The following ARFGEF3 variants were observed in gnomAD, a reference collection of about 807,000 sequenced individuals.
ARFGEF3 encodes ARFGEF family member 3, also known as brefeldin A-inhibited guanine nucleotide-exchange protein 3.
ARFGEF3 carries 96 observed loss-of-function variants against 221.7 expected under a neutral mutation model. The ratio of observed to expected loss-of-function variants is 0.43; its 90% CI spans 0.37 to 0.51. ARFGEF3 has a LOEUF of 0.51. Ranked by LOEUF, ARFGEF3 falls within the 20% of genes least tolerant of loss-of-function variation. The pLI is 0.00. For synonymous variants in ARFGEF3, 1,145 were observed against 1,126.8 expected, an observed-to-expected ratio of 1.02 and a Z score of -0.32; for missense variants, 2,410 against 2,789.9, an observed-to-expected ratio of 0.86 and a Z score of 3.07.
chr6:138,176,556 G>A (rs1351121167), intron 2 of ARFGEF3, among the ~76,000 whole-genome samples: 1 of 151,932 alleles, frequency 6.6e-6, no homozygotes, highest in African/African-American at 2.4e-5. Context: ...TACATTCAAG[G>A]TTAATATTGG....
intron 2 of ARFGEF3, among the ~76,000 whole-genome samples, chr6:138,203,807 A>AT (rs905487672): frequency 3.9e-5 from 6 of 151,980 alleles, no homozygotes; most frequent in South Asian, 2.1e-4. Context: ...TGCCCAGCTG[A>AT]TTTTTTTGCA....
chr6:138,293,821 G>A (rs1429818403), intron 19 of ARFGEF3, among the ~76,000 whole-genome samples, 172 bp from the exon 20 acceptor site: 2 of 152,012 alleles, frequency 1.3e-5, no homozygotes. Flanking sequence ...AAATCTCACA[G>A]TTAGAGCAGA....
chr6:138,249,230 C>A (rs1778538455), intron 8 of ARFGEF3, among the ~76,000 whole-genome samples: 1 of 152,194 alleles, frequency 6.6e-6, no homozygotes, highest in African/African-American at 2.4e-5. Context: ...CACACACATA[C>A]ATATTAGAAA....
At chr6:138,245,661 A>G in intron 8 of ARFGEF3, 70 bp downstream of exon 8, 1 of 1,105,950 alleles carries the variant, frequency 9.0e-7, no homozygotes, top group Admixed American at 2.0e-5. Context: ...TGTCTGCAGC[A>G]TCACTTCAAA....
chr6:138,172,135 T>C lies in ARFGEF3; in HGVS notation c.137+1422T>C, dbSNP rs142204515. On this transcript the variant is annotated intron_variant, in intron 2 of 33. Coordinates refer to ENST00000251691, the MANE Select transcript of ARFGEF3 (RefSeq NM_020340.5). The stretch of plus-strand genomic sequence containing the variant: ...TCCATGTTTTAAACTAAGTGCATTT[T>C]TGTGTGTGCAAAGCTTATACATGAA... Among the ~76,000 whole-genome samples the C allele has an allele frequency of 2.0e-3, 298 of 152,336 alleles. 3 individuals are homozygous for C. Among genetic ancestry groups the C allele is most frequent in the South Asian group, 0.012 (60 of 4,822 alleles).
intron 19 of ARFGEF3, among the ~76,000 whole-genome samples, chr6:138,292,331 T>C (rs1218395169): frequency 7.9e-5 from 12 of 152,176 alleles, no homozygotes. Flanking sequence ...CTGCCTGGCT[T>C]CTCCATTGGT....
chr6:138,276,010 G>A (rs149665419), intron 12 of ARFGEF3, among the ~76,000 whole-genome samples: 179 of 152,338 alleles, frequency 1.2e-3, no homozygotes, highest in Admixed American at 2.5e-3. Flanking sequence ...GAGATGAACT[G>A]TTTCCCACAC....
chr6:138,294,184 C>T, intron 20 of ARFGEF3, 58 bp downstream of exon 20: 1 of 1,565,254 alleles, frequency 6.4e-7, no homozygotes. Context: ...CAGCCCAGGC[C>T]TCTATCACCA....
intron 12 of ARFGEF3, among the ~76,000 whole-genome samples, chr6:138,273,209 G>T (rs1277354443): frequency 6.6e-6 from 1 of 151,960 alleles, no homozygotes. Flanking sequence ...AGAGAAGCGG[G>T]GACTACTGTT....
At chr6:138,214,000 T>A (rs2114504365) in intron 4 of ARFGEF3, among the ~76,000 whole-genome samples, 1 of 152,322 alleles carries the variant, frequency 6.6e-6, no homozygotes, top group East Asian at 1.9e-4. Context: ...TAGAGATTGG[T>A]TCACAGTGTA....
intron 5 of ARFGEF3, 78 bp from the exon 6 acceptor site, chr6:138,238,431 C>T: frequency 6.7e-7 from 1 of 1,491,752 alleles, no homozygotes; most frequent in Non-Finnish European, 9.1e-7. Context: ...TTGATATCCT[C>T]TCTGGTCAAT....
At chr6:138,208,040 A>G (rs1038963574) in intron 3 of ARFGEF3, among the ~76,000 whole-genome samples, 10 of 152,210 alleles carry the variant, frequency 6.6e-5, no homozygotes, top group African/African-American at 2.4e-4. Context: ...CTTTTCTCCA[A>G]GGTAATTGGG....
chr6:138,246,396 AT>A (rs1313474331), intron 8 of ARFGEF3, among the ~76,000 whole-genome samples: 1 of 152,226 alleles, frequency 6.6e-6, no homozygotes, highest in African/African-American at 2.4e-5. Context: ...TGAATTTTAA[AT>A]GCAGTAATGA....
Position 138,207,081 on chromosome 6 carries a change from C to A in ARFGEF3, c.177C>A (p.Ser59=). The change falls in exon 3 of 34, where the codon TCC becomes TCA. Residue 59 remains serine (S), a synonymous_variant. Coordinates refer to ENST00000251691, the MANE Select transcript of ARFGEF3 (RefSeq NM_020340.5). ...TGCCTCTCCAGTTGGCTTTGGAATC[C>A]AAGAATGTGAAGCTGGCCCAACATG... ...CLLPLQLALE[S]KNVKLAQHAL... 6.2e-7 allele frequency: 1 copy of A among 1,611,538 alleles called. No homozygotes were observed.
intron 26 of ARFGEF3, among the ~76,000 whole-genome samples, chr6:138,316,331 G>T (rs1179718139): frequency 3.3e-5 from 5 of 152,076 alleles, no homozygotes; most frequent in Non-Finnish European, 7.4e-5. Flanking sequence ...TACATTATCA[G>T]ATATTATTCC....
intron 2 of ARFGEF3, among the ~76,000 whole-genome samples, chr6:138,205,697 C>T (rs1379723587): frequency 6.6e-6 from 1 of 152,114 alleles, no homozygotes; most frequent in Admixed American, 6.6e-5. Context: ...ATCCATCTGT[C>T]AAAGGATGAA....
rs750649696 is a variant in ARFGEF3 at position 138,298,645 on chromosome 6, G to A, written c.3688G>A (p.Val1230Ile). The change falls in exon 22 of 34, where the codon GTT becomes ATT. Residue 1230 changes from valine to isoleucine, a missense_variant. Around this residue, in one of 5 missense-constraint regions of ARFGEF3, gnomAD observed 723 missense variants for 991.9 expected, o/e 0.73. Transcript: ENST00000251691. ...HKERHVSQKA[V>I]SFIHDILTEV... ...GGAAAGACATGTGTCTCAGAAGGCT[G>A]TTTCCTTCATCCATGACATACTGAC... The A allele has an allele frequency of 1.2e-6, 2 of 1,613,396 alleles. No individual in the cohort carries two copies. Among genetic ancestry groups the A allele is most frequent in the Non-Finnish European group, 1.7e-6 (2 of 1,179,688 alleles).
chr6:138,302,183 T>G (rs1562385341), intron 22 of ARFGEF3, among the ~76,000 whole-genome samples: 1 of 152,124 alleles, frequency 6.6e-6, no homozygotes, highest in Non-Finnish European at 1.5e-5. Context: ...TCAAAGTAGC[T>G]ATTAAATATG....
chr6:138,324,868 TG>T (rs1780101545), intron 31 of ARFGEF3, among the ~76,000 whole-genome samples: 1 of 152,248 alleles, frequency 6.6e-6, no homozygotes, highest in Admixed American at 6.5e-5. Context: ...TTAAGTGACA[TG>T]GCAGTCTGCC....
Sources: allele counts gnomAD v4.1 joint callset (sites outside exome capture counted in the v4.1 genomes callset), GRCh38; gene constraint gnomAD v4.1.1; regional missense constraint gnomAD v4.1.1; transcripts MANE v1.5; gene names NCBI Gene and HGNC (gene_info 2026-07-23, HGNC 2026-07-21).